DGCR2: variants seen among roughly 807,000 people sequenced by gnomAD.
The protein encoded by DGCR2 is integral membrane protein DGCR2/IDD.
A neutral mutation model predicts 51.6 loss-of-function variants in DGCR2; 24 were observed. That is an observed-to-expected ratio of 0.47 (90% CI 0.34 to 0.65). The LOEUF (loss-of-function observed/expected upper bound fraction) is 0.65. Ranked by LOEUF, DGCR2 falls within the 30% of genes least tolerant of loss-of-function variation. DGCR2 has a pLI of 0.01. For missense variants in DGCR2, 765 were observed against 772.1 expected, an observed-to-expected ratio of 0.99 and a Z score of 0.11; for synonymous variants, 340 against 315.4, an observed-to-expected ratio of 1.08 and a Z score of -0.82.
At chr22:19,117,180 CGCT>C (rs1365284177) in intron 1 of DGCR2, among the ~76,000 whole-genome samples, 1 of 152,176 alleles carries the variant, frequency 6.6e-6, no homozygotes, top group Non-Finnish European at 1.5e-5. Context: ...CACCGGCCAC[CGCT>C]GCTAAGAGGA....
chr22:19,052,281 TG>T (rs145559117), intron 6 of DGCR2, among the ~76,000 whole-genome samples: 14,303 of 152,050 alleles, frequency 0.094, 735 homozygotes, highest in Middle Eastern at 0.15. Flanking sequence ...CTGGGCGTAG[TG>T]GCACATGCCT....
intron 6 of DGCR2, among the ~76,000 whole-genome samples, chr22:19,051,416 C>T (rs748173632): frequency 6.6e-6 from 1 of 152,030 alleles, no homozygotes; most frequent in African/African-American, 2.4e-5. Context: ...ATCTAGAATA[C>T]ATAAAGAACT....
chr22:19,118,374 CAA>C (rs923572855), intron 1 of DGCR2, among the ~76,000 whole-genome samples: 2,980 of 56,658 alleles, frequency 0.053, 19 homozygotes, highest in South Asian at 0.12. Flanking sequence ...CCATCGCAAA[CAA>C]AAAAAAAAAA....
chr22:19,051,795 G>A (rs1247560959), intron 6 of DGCR2, among the ~76,000 whole-genome samples: 2 of 152,124 alleles, frequency 1.3e-5, no homozygotes, highest in African/African-American at 4.8e-5. Context: ...ATATACAGAT[G>A]GCAAATAAGC....
At chr22:19,039,936 C>T (rs1438415109) in intron 9 of DGCR2, among the ~76,000 whole-genome samples, 6 of 152,144 alleles carry the variant, frequency 3.9e-5, no homozygotes, top group African/African-American at 1.4e-4. Context: ...CCAACCTGGG[C>T]AACATAGTGA....
intron 1 of DGCR2, among the ~76,000 whole-genome samples, chr22:19,120,367 C>T (rs1266429792): frequency 6.6e-6 from 1 of 152,224 alleles, no homozygotes; most frequent in African/African-American, 2.4e-5. Context: ...ACCTCTGGGA[C>T]CCCACACTCC....
intron 2 of DGCR2, among the ~76,000 whole-genome samples, chr22:19,086,334 C>T (rs976160638): frequency 6.6e-6 from 1 of 151,990 alleles, no homozygotes; most frequent in Non-Finnish European, 1.5e-5. Flanking sequence ...AAAAAATTAG[C>T]CGGGTGTGGT....
rs1441591047 is a variant in DGCR2, at chr22:19,048,549, A to G, written c.897T>C (p.His299=). ...GDDPCLSCTC[H]GGEPEMCVAA... The stretch of plus-strand genomic sequence containing the variant: ...CCACACACATCTCAGGCTCCCCTCC[A>G]TGGCAGGTGCAGCTCAGGCATGGGT... The change falls in exon 7 of 10, where the codon CAT becomes CAC. Residue 299 remains histidine (H), a synonymous_variant. Coordinates refer to ENST00000263196, the MANE Select transcript of DGCR2 (RefSeq NM_005137.3). 1.9e-6 allele frequency: 3 copies of G among 1,614,178 alleles called. No homozygotes were observed. The South Asian group carries it at 3.3e-5, about 18-fold the overall frequency.
chr22:19,098,814 G>T (rs896013560), intron 1 of DGCR2, among the ~76,000 whole-genome samples: 1 of 151,928 alleles, frequency 6.6e-6, no homozygotes, highest in Non-Finnish European at 1.5e-5. Context: ...GGCTGGTCTC[G>T]AACTCCTGAG....
intron 2 of DGCR2, among the ~76,000 whole-genome samples, chr22:19,073,298 GA>G (rs1174088862): frequency 3.3e-5 from 5 of 151,968 alleles, no homozygotes; most frequent in Admixed American, 2.0e-4. Flanking sequence ...CAGCAAACAT[GA>G]AAACTCATAA....
chr22:19,076,246 C>T (rs2082874823), intron 2 of DGCR2, among the ~76,000 whole-genome samples: 1 of 152,158 alleles, frequency 6.6e-6, no homozygotes, highest in African/African-American at 2.4e-5. Context: ...CTGCAACTTT[C>T]GCCTCCTGGG....
At chr22:19,049,813 T>G (rs2082529561) in intron 6 of DGCR2, among the ~76,000 whole-genome samples, 1 of 133,002 alleles carries the variant, frequency 7.5e-6, no homozygotes, top group Admixed American at 8.1e-5. Flanking sequence ...GGCGACAGCA[T>G]GAGACTCTGT....
Position 19,041,352 on chromosome 22 carries a change from T to G in DGCR2, c.1160-58A>C. ...GACAAGTCACTGGGGGCAGGCTGCC[T>G]GGCTCCTGAGCCCCCCACCCCCAGG... is the stretch of plus-strand genomic sequence containing the variant. On this transcript the variant is annotated intron_variant, in intron 8 of 9. Coordinates refer to ENST00000263196, the MANE Select transcript of DGCR2 (RefSeq NM_005137.3). 3 of 1,551,074 alleles carry G rather than the reference T, an allele frequency of 1.9e-6. No homozygotes were observed. The South Asian group carries it at 3.4e-5, about 18-fold the overall frequency.
chr22:19,062,775 G>GCGCTCTCTCT (rs1555903875), intron 5 of DGCR2, among the ~76,000 whole-genome samples: 1 of 108,858 alleles, frequency 9.2e-6, no homozygotes, highest in Non-Finnish European at 1.9e-5. Context: ...ACACATGCAT[G>GCGCTCTCTCT]CTCACTCTCT....
intron 8 of DGCR2, 145 bp from the exon 9 acceptor site, chr22:19,041,439 C>T (rs1291032735): frequency 1.7e-5 from 13 of 763,486 alleles, no homozygotes; most frequent in South Asian, 6.8e-5. Flanking sequence ...CGGCCACATT[C>T]GGCATCCCCA....
At chr22:19,099,985 C>CA (rs1014608153) in intron 1 of DGCR2, among the ~76,000 whole-genome samples, 1 of 137,420 alleles carries the variant, frequency 7.3e-6, no homozygotes, top group African/African-American at 2.8e-5. Context: ...AAAAAAAAGT[C>CA]ACCCTTGACC....
chr22:19,065,893 G>A (rs2238749), intron 3 of DGCR2: 1 of 152,072 alleles, frequency 6.6e-6, no homozygotes, highest in African/African-American at 2.4e-5. Context: ...TTAAAGTGCA[G>A]CTATGTCTTG....
intron 1 of DGCR2, among the ~76,000 whole-genome samples, chr22:19,102,321 C>CA (rs376519382): frequency 2.1e-3 from 315 of 152,256 alleles, no homozygotes; most frequent in African/African-American, 7.2e-3. Context: ...TTTGGATTGA[C>CA]AAAAAAGTTC....
chr22:19,085,245 T>C (rs2083002159), intron 2 of DGCR2, among the ~76,000 whole-genome samples: 1 of 152,162 alleles, frequency 6.6e-6, no homozygotes, highest in African/African-American at 2.4e-5. Context: ...AAAAGTAAAG[T>C]GGGCTAACTC....
Sources: gnomAD v4.1 joint callset for allele counts (sites outside exome capture counted in the v4.1 genomes callset) on GRCh38, gnomAD v4.1.1 for gene constraint, MANE v1.5 for transcripts, NCBI Gene and HGNC (gene_info 2026-07-23, HGNC 2026-07-21) for gene names.